WDR27: variants seen among roughly 807,000 people sequenced by gnomAD.
WDR27 encodes the protein WD repeat-containing protein 27.
Under a neutral mutation model 114.4 loss-of-function variants are expected in WDR27, and 100 were observed. The ratio of observed to expected loss-of-function variants is 0.87; its 90% CI spans 0.74 to 1.03. The LOEUF (loss-of-function observed/expected upper bound fraction) is 1.03, where lower values mean the gene tolerates loss of function less well. WDR27 is among the 50% of genes least tolerant of loss of function. The pLI is 0.00. For synonymous variants in WDR27, 449 were observed against 423.1 expected (o/e 1.06, Z -0.75); for missense variants, 1,129 against 1,092.9 (o/e 1.03, Z -0.47).
At chr6:169,442,776 C>T in the WDR27 span, among the ~76,000 whole-genome samples, 1 of 152,136 alleles carries the variant, frequency 6.6e-6, no homozygotes, top group Non-Finnish European at 1.5e-5. Context: ...GGCCACCTGG[C>T]CTTGGAGTTG....
At chr6:169,498,164 A>C (rs890049375) in intron 25 of WDR27, among the ~76,000 whole-genome samples, 11 of 152,148 alleles carry the variant, frequency 7.2e-5, no homozygotes, top group African/African-American at 2.6e-4. Context: ...AACAGGGCAA[A>C]TGCTATATGA....
intron 23 of WDR27, 37 bp downstream of exon 23, chr6:169,602,182 G>T: frequency 6.8e-7 from 1 of 1,466,462 alleles, no homozygotes. Flanking sequence ...CCAAAGTCTA[G>T]ACTCTCTACA....
chr6:169,465,255 T>C (rs1785409415), intron 25 of WDR27, among the ~76,000 whole-genome samples: 1 of 54,880 alleles, frequency 1.8e-5, no homozygotes, highest in South Asian at 7.2e-4. Flanking sequence ...CAAAACTCCA[T>C]CTCAAAAAAA....
intron 25 of WDR27, among the ~76,000 whole-genome samples, chr6:169,525,353 G>A (rs370450743): frequency 1.3e-4 from 20 of 151,998 alleles, no homozygotes; most frequent in South Asian, 1.2e-3. Flanking sequence ...TGGCTAACAC[G>A]GTGAAACCCC....
At position 169,528,025 on chromosome 6, in the gene WDR27, G is replaced by A. The variant is rs191441580; in HGVS notation, c.2645+44394C>T. ...TAACTGGGTACCTCACTAATCTTTA[G>A]AGAGAAAAATAAATGGGTAACAGCC... On this transcript the variant is annotated intron_variant, in intron 25 of 25. Coordinates refer to ENST00000448612, the MANE Select transcript of WDR27 (RefSeq NM_182552.5). Among the ~76,000 whole-genome samples, 506 of 152,142 alleles carry A rather than the reference G, an allele frequency of 3.3e-3. 2 individuals are homozygous for A. The highest frequency in any genetic ancestry group is 0.011 in the African/African-American group (474 of 41,504).
At chr6:169,641,396 ATC>A (rs1438573733) in intron 17 of WDR27, among the ~76,000 whole-genome samples, 1 of 151,982 alleles carries the variant, frequency 6.6e-6, no homozygotes, top group Admixed American at 6.6e-5. Flanking sequence ...TCTCCCCACG[ATC>A]TCCTCACGGT....
At chr6:169,516,206 T>C (rs1272311089) in intron 25 of WDR27, among the ~76,000 whole-genome samples, 1 of 152,164 alleles carries the variant, frequency 6.6e-6, no homozygotes, top group Non-Finnish European at 1.5e-5. Flanking sequence ...AACAGCTGAA[T>C]CCTGAATCTG....
intron 25 of WDR27, among the ~76,000 whole-genome samples, chr6:169,539,007 C>T (rs1014725540): frequency 4.6e-5 from 7 of 152,172 alleles, no homozygotes; most frequent in Admixed American, 1.3e-4. Flanking sequence ...AAATTTGAAT[C>T]TCCTCTAATT....
At chr6:169,652,079 C>T (rs1421796372) in intron 13 of WDR27, 71 bp from the exon 14 acceptor site, 32 of 1,369,748 alleles carry the variant, frequency 2.3e-5, no homozygotes, top group Non-Finnish European at 2.6e-5. Flanking sequence ...ATGAGAAGAA[C>T]AGAGTCTCTT....
chr6:169,696,349 A>G (rs1372541002), intron 1 of WDR27, among the ~76,000 whole-genome samples: 1 of 152,194 alleles, frequency 6.6e-6, no homozygotes, highest in East Asian at 1.9e-4. Flanking sequence ...AAGTTAAGGT[A>G]TGGGCAGTTG....
intron 1 of WDR27, among the ~76,000 whole-genome samples, chr6:169,697,877 C>T (rs1054937676): frequency 6.6e-6 from 1 of 152,128 alleles, no homozygotes; most frequent in African/African-American, 2.4e-5. Flanking sequence ...TAGTGGTCCC[C>T]CGGGCCCAGC....
At chr6:169,691,363 T>C (rs1306091713) in intron 1 of WDR27, among the ~76,000 whole-genome samples, 1 of 152,208 alleles carries the variant, frequency 6.6e-6, no homozygotes. Context: ...CTCACTTTTT[T>C]TTTAATATTT....
At chr6:169,593,852 A>AAAAC (rs150266215) in intron 23 of WDR27, among the ~76,000 whole-genome samples, 111 of 135,142 alleles carry the variant, frequency 8.2e-4, no homozygotes, top group South Asian at 4.9e-3. Context: ...CTGTCTCAAA[A>AAAAC]AAACAAACAA....
At position 169,632,999 on chromosome 6, in the gene WDR27, G is replaced by A. The variant is rs367673785; in HGVS notation, c.2171C>T (p.Ala724Val). Residue 724 changes from alanine to valine, a missense_variant, in exon 21 of 26, where the codon GCG (alanine) becomes GTG (valine). By Grantham distance (64) the Ala-to-Val change is moderately conservative. Transcript: ENST00000448612. ...CCGTGAGTGGGCTTCCGCTATCACCGCTGCACTGCAGCCGGCGTTGAGGTC... is the reference window on the plus strand; with the variant it reads ...CCGTGAGTGGGCTTCCGCTATCACCACTGCACTGCAGCCGGCGTTGAGGTC... ...VFDLNAGCSAAVIAEAHSRPV... is the reference protein window; with the variant it reads ...VFDLNAGCSAVVIAEAHSRPV... The A allele has an allele frequency of 1.2e-5, 19 of 1,598,638 alleles. No individual in the cohort carries two copies. Among genetic ancestry groups the A allele is most frequent in the African/African-American group, 5.4e-5 (4 of 74,704 alleles).
chr6:169,698,477 A>C (rs1786881206), intron 1 of WDR27, among the ~76,000 whole-genome samples: 2 of 152,208 alleles, frequency 1.3e-5, no homozygotes, highest in Admixed American at 6.5e-5. Flanking sequence ...ACTGAAGTGC[A>C]ACCTATCCTC....
Position 169,587,074 on chromosome 6 carries a change from C to A in WDR27, c.2425-4140G>T, listed in dbSNP as rs146865922. On this transcript the variant is annotated intron_variant, in intron 23 of 25. Transcript: ENST00000448612. ...GCACAAACCAGTAGAGTTGACCTAT[C>A]CCTTCCTGCCTTAAGTCTGGTGTTC... Among the ~76,000 whole-genome samples the A allele has an allele frequency of 5.6e-3, 845 of 151,890 alleles. 9 individuals are homozygous for A. The highest frequency in any genetic ancestry group is 0.019 in the African/African-American group (781 of 41,420).
chr6:169,702,002 C>T lies in WDR27; in HGVS notation c.-459G>A, dbSNP rs1434606167. ...CACGCTCGCCGCTATGGTTACTTGCCAGCCGACCCACGCGAGCCGCTATGG... is the reference window on the plus strand; with the variant it reads ...CACGCTCGCCGCTATGGTTACTTGCTAGCCGACCCACGCGAGCCGCTATGG... On this transcript the variant is annotated 5_prime_UTR_variant, in exon 1 of 26. Coordinates refer to ENST00000448612, the MANE Select transcript of WDR27 (RefSeq NM_182552.5). The T allele has an allele frequency of 1.7e-5, 7 of 421,786 alleles. No homozygotes were observed. The highest frequency in any genetic ancestry group is 2.4e-5 in the Non-Finnish European group (5 of 209,654). The allele number at this position is 421,786 out of a possible 1,614,324, so 26.1% of individuals were successfully genotyped here.
the WDR27 span, among the ~76,000 whole-genome samples, chr6:169,447,906 T>C: frequency 2.0e-5 from 3 of 152,140 alleles, no homozygotes; most frequent in African/African-American, 4.8e-5. Flanking sequence ...AGTCAATGAG[T>C]TGGATTTTAT....
At chr6:169,653,890 C>A (rs971656981) in intron 13 of WDR27, among the ~76,000 whole-genome samples, 7 of 152,246 alleles carry the variant, frequency 4.6e-5, no homozygotes, top group Admixed American at 1.3e-4. Context: ...GCCCAGGAAG[C>A]CTGTGCCGTG....
Sources: allele counts gnomAD v4.1 joint callset (sites outside exome capture counted in the v4.1 genomes callset), GRCh38; gene constraint gnomAD v4.1.1; transcripts MANE v1.5; gene names NCBI Gene and HGNC (gene_info 2026-07-23, HGNC 2026-07-21).